HECW2: variants seen among roughly 807,000 people sequenced by gnomAD.
The protein encoded by HECW2 is HECT, C2 and WW domain containing E3 ubiquitin protein ligase 2.
A neutral mutation model predicts 175.2 loss-of-function variants in HECW2; 61 were observed. The ratio of observed to expected loss-of-function variants is 0.35; its 90% CI spans 0.28 to 0.43. The LOEUF is 0.43. Ranked by LOEUF, HECW2 falls within the 20% of genes least tolerant of loss-of-function variation. The probability of loss-of-function intolerance (pLI) is 1.00; values close to 1 mark genes in which losing one functional copy is unlikely to be tolerated. For synonymous variants in HECW2, 671 were observed against 731.0 expected (o/e 0.92, Z 1.32); for missense variants, 1,524 against 2,000.5 (o/e 0.76, Z 4.54).
At chr2:196,204,718 T>C (rs1326548165) in intron 28 of HECW2, among the ~76,000 whole-genome samples, 3 of 152,212 alleles carry the variant, frequency 2.0e-5, no homozygotes, top group Non-Finnish European at 4.4e-5. Context: ...TTTGCATCAG[T>C]AGAACCAGTA....
intron 13 of HECW2, among the ~76,000 whole-genome samples, chr2:196,295,423 A>G (rs1315208143): frequency 1.3e-5 from 2 of 152,214 alleles, no homozygotes; most frequent in African/African-American, 4.8e-5. Flanking sequence ...TTTTCACATA[A>G]GTCATTGCAA....
At chr2:196,212,418 T>C (rs1385784343) in intron 28 of HECW2, among the ~76,000 whole-genome samples, 1 of 152,190 alleles carries the variant, frequency 6.6e-6, no homozygotes, top group Non-Finnish European at 1.5e-5. Flanking sequence ...TTCTCATCAT[T>C]TAGCTCCCGC....
At chr2:196,394,519 T>C (rs7587067) in intron 2 of HECW2, among the ~76,000 whole-genome samples, 88,311 of 151,756 alleles carry the variant, frequency 0.58, 29,179 homozygotes, top group East Asian at 0.84. Context: ...TCAATAAACA[T>C]CCCCCCTTTA....
intron 26 of HECW2, among the ~76,000 whole-genome samples, chr2:196,219,452 C>T (rs920563903): frequency 6.6e-6 from 1 of 152,188 alleles, no homozygotes; most frequent in Admixed American, 6.5e-5. Context: ...ACTTTTTTAG[C>T]TTCCCATTTT....
At chr2:196,243,115 C>T (rs1688521101) in intron 19 of HECW2, among the ~76,000 whole-genome samples, 1 of 151,848 alleles carries the variant, frequency 6.6e-6, no homozygotes, top group East Asian at 1.9e-4. Context: ...ACCTGTCTCA[C>T]TTGCACAAAG....
chr2:196,417,398 G>A (rs1191395438), intron 2 of HECW2, among the ~76,000 whole-genome samples: 1 of 152,102 alleles, frequency 6.6e-6, no homozygotes, highest in East Asian at 1.9e-4. Context: ...CCCTAGCAGT[G>A]TTGATGCAGT....
At chr2:196,374,114 G>A (rs1575474676) in intron 2 of HECW2, among the ~76,000 whole-genome samples, 1 of 152,082 alleles carries the variant, frequency 6.6e-6, no homozygotes, top group East Asian at 1.9e-4. Flanking sequence ...AATATGTCAT[G>A]ATTCATAATA....
At chr2:196,302,157 A>G (rs56098770) in intron 13 of HECW2, among the ~76,000 whole-genome samples, 32,032 of 152,074 alleles carry the variant, frequency 0.21, 3,663 homozygotes, top group Middle Eastern at 0.28. Flanking sequence ...CCTTTCCCCA[A>G]TGCCTGTTTT....
intron 1 of HECW2, among the ~76,000 whole-genome samples, chr2:196,502,545 A>C (rs755798705): frequency 7.9e-5 from 12 of 152,220 alleles, no homozygotes; most frequent in Non-Finnish European, 1.6e-4. Context: ...TTGATTATGC[A>C]CACTCCAATG....
intron 1 of HECW2, among the ~76,000 whole-genome samples, chr2:196,569,295 T>C (rs1337241600): frequency 6.6e-6 from 1 of 152,156 alleles, no homozygotes; most frequent in Non-Finnish European, 1.5e-5. Flanking sequence ...TGAGCTATGA[T>C]TGTGCCACTG....
rs567255357 is a variant in HECW2 at position 196,389,202 on chromosome 2, C to T, written c.292+43930G>A. On this transcript the variant is annotated intron_variant, in intron 2 of 28. Coordinates refer to ENST00000644978, the MANE Select transcript of HECW2 (RefSeq NM_001348768.2). ...CTTTATAAGTCACAGCCACTTCACA[C>T]CATTAATTAAAGAATATTTAGCACA... Among the ~76,000 whole-genome samples the T allele has an allele frequency of 8.5e-4, 129 of 152,238 alleles. No homozygotes were observed. The Middle Eastern group carries it at 0.031, about 36-fold the overall frequency.
intron 2 of HECW2, among the ~76,000 whole-genome samples, chr2:196,424,476 A>G (rs998754031): frequency 1.3e-5 from 2 of 152,144 alleles, no homozygotes; most frequent in African/African-American, 4.8e-5. Flanking sequence ...CTTGCTTCGA[A>G]CAGTTAGCCA....
chr2:196,338,008 T>C (rs1692615537), intron 3 of HECW2, among the ~76,000 whole-genome samples: 1 of 152,198 alleles, frequency 6.6e-6, no homozygotes, highest in African/African-American at 2.4e-5. Context: ...AAAAGCCCCA[T>C]TATTTTCAAA....
At chr2:196,349,480 T>A (rs1036859924) in intron 2 of HECW2, among the ~76,000 whole-genome samples, 23 of 152,068 alleles carry the variant, frequency 1.5e-4, no homozygotes, top group African/African-American at 2.4e-5. Flanking sequence ...CTCTTACAAG[T>A]CTAGTTGGCT....
chr2:196,362,228 G>T, intron 2 of HECW2: 1 of 983,968 alleles, frequency 1.0e-6, no homozygotes, highest in Non-Finnish European at 1.2e-6. Flanking sequence ...CCACACCCCT[G>T]TAAAGGGTAC....
At chr2:196,357,970 T>C (rs142822786) in intron 2 of HECW2, among the ~76,000 whole-genome samples, 15 of 152,310 alleles carry the variant, frequency 9.8e-5, no homozygotes, top group African/African-American at 3.6e-4. Context: ...AATGGACTAA[T>C]ACACCAACAG....
chr2:196,278,424 A>C, intron 15 of HECW2, 104 bp downstream of exon 15: 1 of 1,380,046 alleles, frequency 7.2e-7, no homozygotes, highest in Non-Finnish European at 9.8e-7. Flanking sequence ...TCAAAAAAAA[A>C]AAAAAGAAAA....
chr2:196,312,672 A>G (rs903076433), intron 10 of HECW2, among the ~76,000 whole-genome samples: 3 of 152,194 alleles, frequency 2.0e-5, no homozygotes, highest in Admixed American at 2.0e-4. Context: ...TTTAGTAGAA[A>G]GAATTCGGGA....
Position 196,232,085 on chromosome 2 carries a change from G to A in HECW2, c.3765-3831C>T, listed in dbSNP as rs567063957. 1.5e-4 allele frequency among the ~76,000 whole-genome samples: 23 copies of A among 152,284 alleles called. 1 individual carries two copies. In the East Asian group the frequency reaches 1.9e-3, roughly 13 times the overall value. ...AGTGTGAGGCACAGAGTGAGCACCC[G>A]TCAGCCATGGTCATTCTCTGTGAGG... On this transcript the variant is annotated intron_variant, in intron 21 of 28. Transcript: ENST00000644978.
Sources: gnomAD v4.1 joint callset for allele counts (sites outside exome capture counted in the v4.1 genomes callset) on GRCh38, gnomAD v4.1.1 for gene constraint, MANE v1.5 for transcripts, NCBI Gene and HGNC (gene_info 2026-07-23, HGNC 2026-07-21) for gene names.